STPG2: variants seen among roughly 807,000 people sequenced by gnomAD.
The protein encoded by STPG2 is sperm tail PG-rich repeat containing 2.
STPG2 carries 56 observed loss-of-function variants against 54.2 expected under a neutral mutation model. The observed-to-expected ratio is 1.03, with a 90% CI of 0.83 to 1.29. The LOEUF is 1.29. Ranked by LOEUF, STPG2 falls within the 50% of genes most tolerant of loss-of-function variation. The pLI, the probability that STPG2 is intolerant of heterozygous loss-of-function variation, is 0.00. For missense variants in STPG2, 596 were observed against 544.9 expected (o/e 1.09, Z -0.93); for synonymous variants, 200 against 181.8 (o/e 1.10, Z -0.81).
chr4:97,530,659 G>A (rs1731394355), intron 4 of STPG2, among the ~76,000 whole-genome samples: 1 of 152,186 alleles, frequency 6.6e-6, no homozygotes, highest in Non-Finnish European at 1.5e-5. Flanking sequence ...GCACTGAAAA[G>A]AAAAGCACTG....
chr4:98,072,531 C>T (rs1738034761), intron 5 of STPG2, among the ~76,000 whole-genome samples: 7 of 150,126 alleles, frequency 4.7e-5, no homozygotes, highest in Admixed American at 4.6e-4. Context: ...ACATCCTGCA[C>T]ATGTACCCCA....
At chr4:97,954,182 T>C (rs909009134) in intron 7 of STPG2, among the ~76,000 whole-genome samples, 1 of 152,166 alleles carries the variant, frequency 6.6e-6, no homozygotes, top group Non-Finnish European at 1.5e-5. Flanking sequence ...TCTACATGAA[T>C]AATTAAAAAG....
At chr4:97,877,912 A>C (rs1730236758) in intron 8 of STPG2, among the ~76,000 whole-genome samples, 2 of 152,242 alleles carry the variant, frequency 1.3e-5, no homozygotes, top group Non-Finnish European at 2.9e-5. Context: ...CTGTAAAATT[A>C]AAAGCAAGTT....
intron 5 of STPG2, among the ~76,000 whole-genome samples, chr4:98,033,078 A>C (rs1360533075): frequency 6.6e-6 from 1 of 151,904 alleles, no homozygotes; most frequent in Non-Finnish European, 1.5e-5. Context: ...GAAGACAAGA[A>C]ATAATTAAGA....
intron 7 of STPG2, among the ~76,000 whole-genome samples, chr4:97,968,521 A>C (rs1345924876): frequency 6.6e-6 from 1 of 152,204 alleles, no homozygotes; most frequent in Non-Finnish European, 1.5e-5. Context: ...GATGAACATC[A>C]ATGTAAAAAT....
chr4:97,844,728 G>T (rs760356087), intron 8 of STPG2, among the ~76,000 whole-genome samples: 2 of 151,868 alleles, frequency 1.3e-5, no homozygotes, highest in African/African-American at 2.4e-5. Context: ...TACATTTGGA[G>T]AGTTTTCAGC....
intron 4 of STPG2, among the ~76,000 whole-genome samples, chr4:97,467,830 A>T (rs544256507): frequency 1.3e-5 from 2 of 151,420 alleles, no homozygotes; most frequent in South Asian, 4.1e-4. Flanking sequence ...GTTAGTTATT[A>T]AAGCTGCTTT....
chr4:97,878,662 T>C (rs1730264351), intron 8 of STPG2, among the ~76,000 whole-genome samples: 1 of 152,126 alleles, frequency 6.6e-6, no homozygotes, highest in Non-Finnish European at 1.5e-5. Flanking sequence ...CATGAAACCA[T>C]TATTTCCTCC....
intron 5 of STPG2, among the ~76,000 whole-genome samples, chr4:98,059,252 G>A (rs566282732): frequency 1.2e-4 from 18 of 151,812 alleles, no homozygotes; most frequent in Admixed American, 5.9e-4. Flanking sequence ...TAGAAGAGAC[G>A]GATAAATTTC....
chr4:97,643,852 G>A (rs926245157), intron 10 of STPG2, among the ~76,000 whole-genome samples: 2 of 151,416 alleles, frequency 1.3e-5, no homozygotes, highest in Non-Finnish European at 3.0e-5. Flanking sequence ...CTTATTTTTG[G>A]GCATAGTTAC....
intron 4 of STPG2, among the ~76,000 whole-genome samples, chr4:97,452,124 C>A (rs1304324075): frequency 7.7e-5 from 5 of 64,818 alleles, no homozygotes; most frequent in Non-Finnish European, 1.5e-4. Flanking sequence ...GCCCCCACCC[C>A]CCCCCCCCCC....
chr4:97,662,373 C>T (rs1722398580), intron 10 of STPG2, among the ~76,000 whole-genome samples: 1 of 151,932 alleles, frequency 6.6e-6, no homozygotes, highest in Non-Finnish European at 1.5e-5. Flanking sequence ...AAAAGTCAAA[C>T]ATAAAAAATG....
chr4:97,516,036 G>A (rs1239506777), intron 4 of STPG2, among the ~76,000 whole-genome samples: 1 of 152,036 alleles, frequency 6.6e-6, no homozygotes, highest in Non-Finnish European at 1.5e-5. Flanking sequence ...ATTAAATGAA[G>A]CAACCCATAA....
intron 10 of STPG2, among the ~76,000 whole-genome samples, chr4:97,619,794 C>A (rs188494953): frequency 1.0e-4 from 15 of 150,248 alleles, no homozygotes; most frequent in Admixed American, 3.3e-4. Context: ...ACATCAGAGT[C>A]TTCATCACAT....
chr4:98,131,482 T>C (rs1044819045), intron 2 of STPG2, among the ~76,000 whole-genome samples: 2 of 152,180 alleles, frequency 1.3e-5, no homozygotes, highest in African/African-American at 2.4e-5. Context: ...AATTTAAATA[T>C]ACTTACAAAA....
chr4:97,911,123 C>T (rs549374249), intron 8 of STPG2, among the ~76,000 whole-genome samples: 2 of 152,344 alleles, frequency 1.3e-5, no homozygotes, highest in East Asian at 1.9e-4. Flanking sequence ...GGAAACCAGG[C>T]TTTTCCCACA....
intron 9 of STPG2, among the ~76,000 whole-genome samples, chr4:97,738,276 A>G (rs1374374365): frequency 6.6e-6 from 1 of 152,186 alleles, no homozygotes; most frequent in Non-Finnish European, 1.5e-5. Context: ...TGTAAAGACC[A>G]TCGAGGCTAG....
At chr4:97,767,849 G>A (rs1183185126) in intron 9 of STPG2, among the ~76,000 whole-genome samples, 2 of 152,120 alleles carry the variant, frequency 1.3e-5, no homozygotes, top group Non-Finnish European at 2.9e-5. Flanking sequence ...GAGATGAGAA[G>A]AGAAAATCTG....
chr4:97,814,572 T>C (rs983784039), intron 9 of STPG2, among the ~76,000 whole-genome samples: 3 of 152,198 alleles, frequency 2.0e-5, no homozygotes, highest in South Asian at 4.2e-4. Flanking sequence ...GAGTGTCAAC[T>C]TGATTGGATT....
Sources: gnomAD v4.1 joint callset for allele counts (sites outside exome capture counted in the v4.1 genomes callset) on GRCh38, gnomAD v4.1.1 for gene constraint, MANE v1.5 for transcripts, NCBI Gene and HGNC (gene_info 2026-07-23, HGNC 2026-07-21) for gene names.